MCC: variants seen among roughly 807,000 people sequenced by gnomAD.
The protein encoded by MCC is colorectal mutant cancer protein.
In MCC, 90 loss-of-function variants were observed where a neutral mutation model predicts 116.2. The ratio of observed to expected loss-of-function variants is 0.77; its 90% confidence interval spans 0.65 to 0.92. The LOEUF (loss-of-function observed/expected upper bound fraction) is 0.92. Among genes scored for constraint, MCC ranks in the 40% least tolerant of loss-of-function variants. The probability of loss-of-function intolerance (pLI) is 0.00; values close to 1 mark genes in which losing one functional copy is unlikely to be tolerated. For missense variants in MCC, 1,516 were observed against 1,312.2 expected (o/e 1.16, Z -2.40); for synonymous variants, 578 against 510.5 (o/e 1.13, Z -1.78).
chr5:113,313,131 G>T (rs937631574), intron 3 of MCC, among the ~76,000 whole-genome samples: 7 of 152,144 alleles, frequency 4.6e-5, no homozygotes, highest in African/African-American at 1.4e-4. Flanking sequence ...TGAATCATGA[G>T]GTCAGGAGTT....
chr5:113,470,291 A>G (rs1399497889), intron 1 of MCC, among the ~76,000 whole-genome samples: 349 of 152,162 alleles, frequency 2.3e-3, no homozygotes, highest in African/African-American at 7.9e-3. Context: ...CGTCTTTACA[A>G]TTTGGCATGT....
intron 3 of MCC, among the ~76,000 whole-genome samples, chr5:113,152,653 G>A (rs1373956450): frequency 6.6e-6 from 1 of 152,162 alleles, no homozygotes; most frequent in Non-Finnish European, 1.5e-5. Context: ...ACAGCATGTT[G>A]GCTGGCAGGC....
intron 3 of MCC, among the ~76,000 whole-genome samples, chr5:113,288,515 C>A (rs1448781702): frequency 1.3e-5 from 2 of 152,162 alleles, no homozygotes; most frequent in Non-Finnish European, 1.5e-5. Flanking sequence ...GCTTTTAGGG[C>A]TCTGGAAAGT....
intron 3 of MCC, among the ~76,000 whole-genome samples, chr5:113,171,963 G>A (rs1178405797): frequency 1.3e-5 from 2 of 152,134 alleles, no homozygotes; most frequent in East Asian, 3.9e-4. Context: ...TTTTGACCAA[G>A]AAAAAGTAAA....
chr5:113,131,101 G>C (rs959063062), intron 5 of MCC, among the ~76,000 whole-genome samples: 5 of 152,210 alleles, frequency 3.3e-5, no homozygotes, highest in Admixed American at 6.5e-5. Context: ...GCAGCAGTGA[G>C]CTAACGAGCA....
At chr5:113,403,942 C>T in intron 1 of MCC, among the ~76,000 whole-genome samples, 1 of 152,204 alleles carries the variant, frequency 6.6e-6, no homozygotes, top group Non-Finnish European at 1.5e-5. Context: ...TCTCAGCATA[C>T]TGCAACCTCC....
chr5:113,358,337 A>G (rs902567179), intron 2 of MCC, among the ~76,000 whole-genome samples: 1 of 152,186 alleles, frequency 6.6e-6, no homozygotes, highest in African/African-American at 2.4e-5. Context: ...GGAAATCTGC[A>G]CTTCCTGGCA....
At chr5:113,087,673 T>A (rs1000580507) in intron 8 of MCC, among the ~76,000 whole-genome samples, 4 of 152,156 alleles carry the variant, frequency 2.6e-5, no homozygotes, top group African/African-American at 9.7e-5. Context: ...TCCTGAATAA[T>A]TAACAATGTT....
intron 2 of MCC, among the ~76,000 whole-genome samples, chr5:113,368,139 T>G (rs2150387906): frequency 6.6e-6 from 1 of 152,330 alleles, no homozygotes; most frequent in South Asian, 2.1e-4. Context: ...AGGTTGGAAA[T>G]AATTTTTCTT....
At chr5:113,438,855 C>G (rs567954073) in intron 1 of MCC, among the ~76,000 whole-genome samples, 1 of 152,132 alleles carries the variant, frequency 6.6e-6, no homozygotes, top group African/African-American at 2.4e-5. Flanking sequence ...AAATATGAAA[C>G]TTAAGTAGAT....
chr5:113,387,628 GT>G (rs1769293940), intron 1 of MCC, among the ~76,000 whole-genome samples: 2 of 152,080 alleles, frequency 1.3e-5, no homozygotes. Flanking sequence ...TCTCTGATTG[GT>G]AAAAATATGG....
At chr5:113,140,514 T>C (rs975376627) in intron 5 of MCC, among the ~76,000 whole-genome samples, 1 of 152,182 alleles carries the variant, frequency 6.6e-6, no homozygotes, top group Non-Finnish European at 1.5e-5. Flanking sequence ...AGTATCTGAT[T>C]TTTGGCTACA....
intron 3 of MCC, among the ~76,000 whole-genome samples, chr5:113,298,043 G>A (rs568723136): frequency 4.6e-5 from 7 of 152,238 alleles, no homozygotes; most frequent in Non-Finnish European, 8.8e-5. Context: ...ATAAGTCAGG[G>A]TTGAGCTGGA....
At chr5:113,332,082 G>A (rs760167599) in intron 3 of MCC, among the ~76,000 whole-genome samples, 5 of 151,520 alleles carry the variant, frequency 3.3e-5, no homozygotes, top group Non-Finnish European at 7.4e-5. Flanking sequence ...TAAATATTTC[G>A]AAATCTCCTT....
intron 18 of MCC, 55 bp downstream of exon 18, chr5:113,028,879 A>G: frequency 1.3e-6 from 2 of 1,588,440 alleles, no homozygotes; most frequent in Non-Finnish European, 1.7e-6. Flanking sequence ...GCAGGGTGTC[A>G]GTCCAAGTAC....
chr5:113,088,286 T>C (rs780855568), intron 8 of MCC, among the ~76,000 whole-genome samples: 1 of 152,072 alleles, frequency 6.6e-6, no homozygotes, highest in African/African-American at 2.4e-5. Flanking sequence ...CAGGAATAAA[T>C]GCAAGAAACT....
chr5:113,282,089 C>A (rs1766066580), intron 3 of MCC, among the ~76,000 whole-genome samples: 1 of 152,106 alleles, frequency 6.6e-6, no homozygotes, highest in Non-Finnish European at 1.5e-5. Context: ...AGCAACCTTC[C>A]CCGCATCACC....
At chr5:113,192,340 A>G (rs1432635297) in intron 3 of MCC, among the ~76,000 whole-genome samples, 2 of 152,276 alleles carry the variant, frequency 1.3e-5, no homozygotes, top group Admixed American at 6.5e-5. Flanking sequence ...CTTGTTGTCA[A>G]CGTTGATAAA....
At chr5:113,457,467 G>C (rs2150423495) in intron 1 of MCC, among the ~76,000 whole-genome samples, 1 of 152,316 alleles carries the variant, frequency 6.6e-6, no homozygotes, top group East Asian at 1.9e-4. Context: ...CCTCCCTGAT[G>C]AGCACAGCCC....
Sources: gnomAD v4.1 joint callset for allele counts (sites outside exome capture counted in the v4.1 genomes callset) on GRCh38, gnomAD v4.1.1 for gene constraint, MANE v1.5 for transcripts, NCBI Gene and HGNC (gene_info 2026-07-23, HGNC 2026-07-21) for gene names.